BPTF: variants seen among roughly 807,000 people sequenced by gnomAD.
BPTF encodes nucleosome-remodeling factor subunit BPTF.
In BPTF, 18 loss-of-function variants were observed where a neutral mutation model predicts 292.5. The observed-to-expected ratio is 0.06, with a 90% confidence interval of 0.04 to 0.09. The LOEUF is 0.09. BPTF is among the 10% of genes least tolerant of loss of function. The pLI, the probability that BPTF is intolerant of heterozygous loss-of-function variation, is 1.00. For synonymous variants in BPTF, 1,225 were observed against 1,251.9 expected (o/e 0.98, Z 0.45); for missense variants, 2,726 against 3,498.7 (o/e 0.78, Z 5.57).
intron 27 of BPTF, chr17:67,981,707 C>T: frequency 1.0e-6 from 1 of 986,904 alleles, no homozygotes; most frequent in Non-Finnish European, 1.2e-6. Flanking sequence ...GTCCTGGTAA[C>T]TGTACAGTAA....
At chr17:67,971,952 T>C (rs782227050) in intron 26 of BPTF, among the ~76,000 whole-genome samples, 3 of 152,170 alleles carry the variant, frequency 2.0e-5, no homozygotes, top group Admixed American at 1.3e-4. Context: ...TATCACTCTT[T>C]TGAGGGGTAT....
chr17:67,849,019 G>A (rs751852324), intron 1 of BPTF, among the ~76,000 whole-genome samples: 12 of 152,292 alleles, frequency 7.9e-5, no homozygotes, highest in Non-Finnish European at 1.2e-4. Flanking sequence ...TTAAGCTTCA[G>A]CTTCCCTTTG....
intron 26 of BPTF, among the ~76,000 whole-genome samples, chr17:67,973,037 T>TTA (rs202136205): frequency 0.022 from 3,206 of 143,050 alleles, 57 homozygotes; most frequent in East Asian, 0.1. Context: ...ATATATATAT[T>TTA]TATATATATA....
intron 11 of BPTF, 132 bp downstream of exon 11, chr17:67,913,319 T>C: frequency 7.2e-7 from 1 of 1,382,598 alleles, no homozygotes; most frequent in Non-Finnish European, 9.5e-7. Flanking sequence ...AAGATAGTAA[T>C]GGAAACAGGA....
At position 67,920,048 on chromosome 17, in the gene BPTF, T is replaced by C; in HGVS notation, c.5462T>C (p.Ile1821Thr). 3 of 1,611,794 alleles carry C rather than the reference T, an allele frequency of 1.9e-6. No individual in the cohort carries two copies. The highest frequency in any genetic ancestry group is 2.5e-6 in the Non-Finnish European group (3 of 1,178,396). ...TSETEITTTE[I>T]IKRRDVGPYG... ...GAAACTGAAATCACAACAACAGAAATAATTAAGAGGAGAGATGTTGGTCCT... is the reference window on the plus strand; with the variant it reads ...GAAACTGAAATCACAACAACAGAAACAATTAAGAGGAGAGATGTTGGTCCT... The change falls in exon 13 of 28, where the codon ATA becomes ACA. Residue 1821 changes from isoleucine (I) to threonine (T), a missense_variant. By Grantham distance (89) the Ile-to-Thr change is moderately conservative. Around this residue, in one of 22 missense-constraint regions of BPTF, gnomAD observed 198 missense variants for 277.1 expected, o/e 0.71. Coordinates refer to ENST00000306378, the MANE Select transcript of BPTF (RefSeq NM_182641.4).
At chr17:67,887,696 G>A (rs563501757) in intron 4 of BPTF, among the ~76,000 whole-genome samples, 10 of 152,242 alleles carry the variant, frequency 6.6e-5, no homozygotes, top group Non-Finnish European at 1.0e-4. Context: ...TCATGTAGTT[G>A]GGAAGTCCGA....
In BPTF at chr17:67,892,038, T is replaced by G; in HGVS notation, c.2055+4T>G. The G allele has an allele frequency of 6.5e-7, 1 of 1,538,126 alleles. No individual in the cohort carries two copies. The highest frequency in any genetic ancestry group is 8.8e-7 in the Non-Finnish European group (1 of 1,141,266). ...ATTATTTAAGGAGGGCAAAGAGGTG[T>G]GTTCTTTCTGTTTAAAACAAAAATC... On this transcript the variant is annotated splice_donor_region_variant and intron_variant, in intron 5 of 27. Transcript: ENST00000306378.
chr17:67,920,240 T>A, intron 13 of BPTF, 97 bp downstream of exon 13: 1 of 1,376,642 alleles, frequency 7.3e-7, no homozygotes, highest in Non-Finnish European at 9.9e-7. Context: ...GTTCACCTTT[T>A]AAAAAAGACA....
At position 67,933,262 on chromosome 17, in the gene BPTF, G is replaced by GA. The variant is rs76194753; in HGVS notation, c.6259+1256dup. Among the ~76,000 whole-genome samples the GA allele has an allele frequency of 1.3e-3, 177 of 132,628 alleles. 1 individual carries two copies. The highest frequency in any genetic ancestry group is 1.9e-3 in the African/African-American group (67 of 36,040). The allele number at this position is 132,628 out of a possible 152,430, so 87.0% of individuals were successfully genotyped here. ...AAAAAGAGTGAGACTCCGTCTGAAG[G>GA]AAAAAAAAAAAAAGGTAAAGATCAT... is the stretch of plus-strand genomic sequence containing the variant. On this transcript the variant is annotated intron_variant, in intron 18 of 27. Coordinates refer to ENST00000306378, the MANE Select transcript of BPTF (RefSeq NM_182641.4).
chr17:67,879,623 A>G (rs1031696708), intron 4 of BPTF, among the ~76,000 whole-genome samples: 3 of 152,084 alleles, frequency 2.0e-5, no homozygotes, highest in Non-Finnish European at 4.4e-5. Context: ...TTCTTTGGCT[A>G]TGTGGTTTTG....
intron 2 of BPTF, among the ~76,000 whole-genome samples, chr17:67,858,711 A>T (rs1489276717): frequency 6.6e-6 from 1 of 152,244 alleles, no homozygotes; most frequent in Non-Finnish European, 1.5e-5. Flanking sequence ...CCCTCCTGAA[A>T]GGAGCTCATA....
intron 23 of BPTF, among the ~76,000 whole-genome samples, chr17:67,958,756 G>A (rs962315833): frequency 3.1e-4 from 47 of 151,904 alleles, no homozygotes; most frequent in African/African-American, 1.0e-3. Flanking sequence ...CCTGAGGTCA[G>A]GAGTTTGCAA....
rs59700705 is a variant in BPTF at position 67,839,337 on chromosome 17, A to T, written c.613+13000A>T. On this transcript the variant is annotated intron_variant, in intron 1 of 27. Coordinates refer to ENST00000306378, the MANE Select transcript of BPTF (RefSeq NM_182641.4). ...CTTTTTTTTCCTAAGTTTTTTTTTAAAAAAAAATCAGCTATGGCTATTGTA... is the reference window on the plus strand; with the variant it reads ...CTTTTTTTTCCTAAGTTTTTTTTTATAAAAAAATCAGCTATGGCTATTGTA... Among the ~76,000 whole-genome samples, 91 of 151,558 alleles carry T rather than the reference A, an allele frequency of 6.0e-4. No homozygotes were observed. In the East Asian group the frequency reaches 6.4e-3, roughly 11 times the overall value.
intron 9 of BPTF, among the ~76,000 whole-genome samples, chr17:67,906,641 G>A (rs1276473755): frequency 5.9e-5 from 9 of 152,052 alleles, no homozygotes; most frequent in African/African-American, 1.9e-4. Flanking sequence ...ACAGGATTAC[G>A]GTTTCTTTGC....
At chr17:67,980,965 C>T (rs1212741040) in intron 27 of BPTF, among the ~76,000 whole-genome samples, 4 of 152,190 alleles carry the variant, frequency 2.6e-5, no homozygotes, top group African/African-American at 9.7e-5. Context: ...TGAGACCAGC[C>T]TGGGCAACAT....
chr17:67,922,825 A>T lies in BPTF; in HGVS notation c.5558-15A>T, dbSNP rs1285345553. On this transcript the variant is annotated splice_polypyrimidine_tract_variant and intron_variant, in intron 13 of 27. Transcript: ENST00000306378. ...AAGCAATATTGCTTAAAATATTCTG[A>T]TTTCCTTTCCAAAGAAACGCCTACA... The T allele has an allele frequency of 6.3e-7, 1 of 1,582,032 alleles. No individual in the cohort carries two copies. Among genetic ancestry groups the T allele is most frequent in the Non-Finnish European group, 8.5e-7 (1 of 1,171,164 alleles).
intron 9 of BPTF, among the ~76,000 whole-genome samples, chr17:67,908,908 C>T (rs1335780283): frequency 3.5e-5 from 5 of 142,960 alleles, no homozygotes; most frequent in Admixed American, 7.2e-5. Context: ...GACCTCAGCT[C>T]ACTGCGACCT....
intron 3 of BPTF, among the ~76,000 whole-genome samples, chr17:67,871,634 A>G (rs570381320): frequency 2.6e-5 from 4 of 152,170 alleles, no homozygotes; most frequent in East Asian, 1.9e-4. Flanking sequence ...CTGAGTAGAG[A>G]TGGCTTCTAA....
intron 13 of BPTF, among the ~76,000 whole-genome samples, chr17:67,921,480 T>A (rs2089547013): frequency 6.6e-6 from 1 of 151,800 alleles, no homozygotes; most frequent in Non-Finnish European, 1.5e-5. Flanking sequence ...GAGCCAAGAT[T>A]GTGCCACTGC....
Sources: gnomAD v4.1 joint callset for allele counts (sites outside exome capture counted in the v4.1 genomes callset) on GRCh38, gnomAD v4.1.1 for gene constraint, gnomAD v4.1.1 regional missense constraint, MANE v1.5 for transcripts, NCBI Gene and HGNC (gene_info 2026-07-23, HGNC 2026-07-21) for gene names.